Variants in SOX6 observed in about 807,000 individuals in gnomAD.
The protein encoded by SOX6 is SRY-box transcription factor 6.
Under a neutral mutation model 97.8 loss-of-function variants are expected in SOX6, and 11 were observed. That is an observed-to-expected ratio of 0.11 (90% CI 0.07 to 0.19). The LOEUF is 0.19. SOX6 is among the 10% of genes least tolerant of loss of function. SOX6 has a pLI of 1.00. For synonymous variants in SOX6, 360 were observed against 371.4 expected, an observed-to-expected ratio of 0.97 and a Z score of 0.35; for missense variants, 810 against 1,039.5, an observed-to-expected ratio of 0.78 and a Z score of 3.04.
intron 3 of SOX6, among the ~76,000 whole-genome samples, chr11:16,260,140 C>T (rs1209450350): frequency 1.3e-5 from 2 of 152,030 alleles, no homozygotes; most frequent in Admixed American, 6.6e-5. Context: ...GCTGGGACTA[C>T]AGGCACCTGC....
At chr11:16,663,026 C>T (rs886886812) in intron 3 of SOX6, among the ~76,000 whole-genome samples, 7 of 151,454 alleles carry the variant, frequency 4.6e-5, no homozygotes, top group African/African-American at 1.5e-4. Flanking sequence ...AATATCCATT[C>T]CCAAGGGTCT....
intron 6 of SOX6, among the ~76,000 whole-genome samples, chr11:16,115,016 G>A (rs188704939): frequency 1.3e-5 from 2 of 152,302 alleles, no homozygotes; most frequent in South Asian, 2.1e-4. Context: ...ATTAAGATAA[G>A]CTGTAAGAAT....
intron 1 of SOX6, among the ~76,000 whole-genome samples, chr11:16,346,915 C>A (rs901436398): frequency 6.6e-6 from 1 of 151,998 alleles, no homozygotes; most frequent in Admixed American, 6.6e-5. Flanking sequence ...CTCCAAAGGC[C>A]CTCTGAGCTT....
intron 4 of SOX6, among the ~76,000 whole-genome samples, chr11:16,525,896 C>T (rs1861153822): frequency 6.6e-6 from 1 of 152,132 alleles, no homozygotes; most frequent in Non-Finnish European, 1.5e-5. Context: ...CTCATAATCA[C>T]TGGCCATCAG....
intron 1 of SOX6, among the ~76,000 whole-genome samples, chr11:16,441,929 A>G (rs1003376062): frequency 2.0e-5 from 3 of 152,224 alleles, no homozygotes; most frequent in Admixed American, 2.0e-4. Flanking sequence ...CGTGAAACTG[A>G]GCACTCCCTT....
intron 4 of SOX6, among the ~76,000 whole-genome samples, chr11:16,608,376 G>A (rs1292520590): frequency 1.3e-5 from 2 of 152,048 alleles, no homozygotes; most frequent in African/African-American, 4.8e-5. Flanking sequence ...AGCGAGTCAC[G>A]AGACAAACGG....
intron 4 of SOX6, among the ~76,000 whole-genome samples, chr11:16,525,695 A>G (rs563577305): frequency 0.041 from 6,213 of 151,970 alleles, 391 homozygotes; most frequent in African/African-American, 0.14. Flanking sequence ...GTGAACAGGC[A>G]ACCTACAAAA....
chr11:16,453,739 T>A (rs925545262), intron 1 of SOX6, among the ~76,000 whole-genome samples: 1 of 152,152 alleles, frequency 6.6e-6, no homozygotes, highest in African/African-American at 2.4e-5. Flanking sequence ...TAATGTCTTA[T>A]TAGTTGAGTG....
intron 3 of SOX6, among the ~76,000 whole-genome samples, chr11:16,642,101 G>T (rs1246596520): frequency 7.2e-5 from 11 of 152,106 alleles, no homozygotes; most frequent in Non-Finnish European, 1.3e-4. Flanking sequence ...GGGCAGGCCT[G>T]GTGGTGACAA....
chr11:16,588,753 G>C (rs766803751), intron 4 of SOX6, among the ~76,000 whole-genome samples: 1 of 152,188 alleles, frequency 6.6e-6, no homozygotes, highest in Non-Finnish European at 1.5e-5. Context: ...ACTAGGCCAG[G>C]CACCATGGCT....
intron 2 of SOX6, among the ~76,000 whole-genome samples, chr11:16,338,395 G>A (rs185985656): frequency 6.6e-6 from 1 of 151,728 alleles, no homozygotes; most frequent in Non-Finnish European, 1.5e-5. Context: ...AGGTTTGCAG[G>A]TCTGCCCAGA....
rs753252598 is a variant in SOX6, at chr11:16,352,297, TGGAA to T, written c.-5+3793_-5+3796del. Among the ~76,000 whole-genome samples, 116 of 141,314 alleles carry T rather than the reference TGGAA, an allele frequency of 8.2e-4. 2 individuals are homozygous for T. The East Asian group carries it at 0.019, about 23-fold the overall frequency. 92.7% of individuals were successfully genotyped at this position (141,314 alleles called of 152,430 possible). ...ATGGATGGATGGATGGATGGATGGA[TGGAA>T]GGATGGATGGATGTTGAAGAGATGG... On this transcript the variant is annotated intron_variant, in intron 1 of 15. Coordinates refer to ENST00000683767, the MANE Select transcript of SOX6 (RefSeq NM_001367873.1).
intron 4 of SOX6, among the ~76,000 whole-genome samples, chr11:16,195,226 C>G (rs1851739933): frequency 6.6e-6 from 1 of 152,132 alleles, no homozygotes; most frequent in African/African-American, 2.4e-5. Flanking sequence ...TTTCATTTCA[C>G]AGATGAAAAA....
intron 3 of SOX6, among the ~76,000 whole-genome samples, chr11:16,251,746 A>G (rs1457355681): frequency 1.3e-5 from 2 of 152,098 alleles, no homozygotes; most frequent in Admixed American, 6.6e-5. Flanking sequence ...CGACAGGGAC[A>G]TTATGAAAAA....
chr11:16,173,331 T>G (rs1423200866), intron 6 of SOX6, among the ~76,000 whole-genome samples: 1 of 151,230 alleles, frequency 6.6e-6, no homozygotes, highest in East Asian at 2.0e-4. Context: ...TCCTGGGGGG[T>G]TTCTTTTGGG....
intron 3 of SOX6, among the ~76,000 whole-genome samples, chr11:16,664,506 T>C (rs905620216): frequency 8.5e-5 from 13 of 152,156 alleles, no homozygotes; most frequent in African/African-American, 2.9e-4. Context: ...AGACCAGAAC[T>C]AGCCAGAAGA....
At chr11:16,681,629 T>G (rs527641974) in intron 3 of SOX6, among the ~76,000 whole-genome samples, 8 of 150,378 alleles carry the variant, frequency 5.3e-5, no homozygotes, top group African/African-American at 2.0e-4. Context: ...CTGAAGGAGA[T>G]AGAGACACAA....
At chr11:16,661,425 A>T (rs1285882996) in intron 3 of SOX6, among the ~76,000 whole-genome samples, 1 of 152,234 alleles carries the variant, frequency 6.6e-6, no homozygotes, top group Non-Finnish European at 1.5e-5. Flanking sequence ...CAACAATCAC[A>T]TTTAAAGTGA....
intron 1 of SOX6, among the ~76,000 whole-genome samples, chr11:16,418,812 C>T (rs554397573): frequency 2.0e-5 from 3 of 152,216 alleles, no homozygotes; most frequent in East Asian, 3.9e-4. Context: ...AGCTGGCACC[C>T]GTTCACATAA....
Sources: allele counts gnomAD v4.1 joint callset (sites outside exome capture counted in the v4.1 genomes callset), GRCh38; gene constraint gnomAD v4.1.1; transcripts MANE v1.5; gene names NCBI Gene and HGNC (gene_info 2026-07-23, HGNC 2026-07-21).